The following ROBO2 variants were observed in gnomAD, a reference collection of about 807,000 sequenced individuals.
ROBO2 encodes roundabout guidance receptor 2, also known as roundabout homolog 2.
In ROBO2, 53 loss-of-function variants were observed where a neutral mutation model predicts 160.8. The observed-to-expected ratio is 0.33, with a 90% CI of 0.26 to 0.41. The LOEUF is 0.41. Among genes scored for constraint, ROBO2 ranks in the 10% least tolerant of loss-of-function variants. ROBO2 has a pLI of 1.00. For synonymous variants in ROBO2, 664 were observed against 611.7 expected (o/e 1.09, Z -1.26); for missense variants, 1,577 against 1,722.4 (o/e 0.92, Z 1.49).
chr3:76,413,077 C>T (rs2075578722), intron 2 of ROBO2, among the ~76,000 whole-genome samples: 1 of 152,212 alleles, frequency 6.6e-6, no homozygotes, highest in South Asian at 2.1e-4. Flanking sequence ...GGGGCTTCCA[C>T]CCTCTGGAGC....
intron 2 of ROBO2, among the ~76,000 whole-genome samples, chr3:77,020,563 G>T (rs57821029): frequency 0.053 from 8,072 of 152,154 alleles, 645 homozygotes; most frequent in African/African-American, 0.18. Flanking sequence ...AAAGAATAAT[G>T]CTGGAAGTGA....
intron 2 of ROBO2, among the ~76,000 whole-genome samples, chr3:76,251,336 A>G (rs1006994897): frequency 6.6e-6 from 1 of 152,084 alleles, no homozygotes; most frequent in Admixed American, 6.6e-5. Context: ...GCCAGATGTC[A>G]GGAAAGAGAT....
Position 76,464,239 on chromosome 3 carries a change from T to C in ROBO2, c.109+526637T>C, listed in dbSNP as rs577731947. ...TTCTTTCATATCTACAGGTTACTGATGTCATTAAATGATGATTGGACGAAT... is the reference window on the plus strand; with the variant it reads ...TTCTTTCATATCTACAGGTTACTGACGTCATTAAATGATGATTGGACGAAT... On this transcript the variant is annotated intron_variant, in intron 2 of 26. Coordinates refer to the ROBO2 transcript ENST00000487694. Among the ~76,000 whole-genome samples the C allele has an allele frequency of 7.9e-5, 12 of 152,274 alleles. No individual in the cohort carries two copies. In the South Asian group the frequency reaches 2.3e-3, roughly 29 times the overall value.
chr3:76,395,359 C>T (rs1211511822), intron 2 of ROBO2, among the ~76,000 whole-genome samples: 1 of 149,280 alleles, frequency 6.7e-6, no homozygotes, highest in Non-Finnish European at 1.5e-5. Flanking sequence ...CACTAAATGC[C>T]CACAAGAGAA....
At chr3:76,060,274 A>ATTCTG (rs1384202901) in intron 2 of ROBO2, among the ~76,000 whole-genome samples, 1 of 148,718 alleles carries the variant, frequency 6.7e-6, no homozygotes, top group Non-Finnish European at 1.5e-5. Context: ...AAGCATTTTC[A>ATTCTG]CACAGAGACC....
At chr3:76,910,745 G>A (rs3024226) in intron 2 of ROBO2, among the ~76,000 whole-genome samples, 8,985 of 55,600 alleles carry the variant, frequency 0.16, 980 homozygotes, top group Middle Eastern at 0.22. Flanking sequence ...AAAAAAAAAA[G>A]AAAAAAAAAG....
At chr3:77,465,036 T>C (rs1483162270) in intron 2 of ROBO2, among the ~76,000 whole-genome samples, 1 of 152,320 alleles carries the variant, frequency 6.6e-6, no homozygotes, top group Middle Eastern at 3.4e-3. Context: ...TTGGTTGTTG[T>C]TGCTGACACT....
At chr3:77,161,669 C>A (rs2078498692) in intron 2 of ROBO2, among the ~76,000 whole-genome samples, 1 of 152,054 alleles carries the variant, frequency 6.6e-6, no homozygotes, top group African/African-American at 2.4e-5. Context: ...TCAAAATACA[C>A]AATTCAGTTT....
intron 2 of ROBO2, among the ~76,000 whole-genome samples, chr3:76,209,121 A>T (rs896718792): frequency 2.9e-4 from 44 of 152,188 alleles, no homozygotes; most frequent in Admixed American, 2.0e-4. Flanking sequence ...TTATTTCTCT[A>T]AACTGTTACA....
At chr3:77,582,605 T>C (rs1011636146) in intron 16 of ROBO2, among the ~76,000 whole-genome samples, 5 of 152,142 alleles carry the variant, frequency 3.3e-5, no homozygotes, top group Non-Finnish European at 4.4e-5. Flanking sequence ...GTACACCTCA[T>C]TTCTTTGCTG....
intron 2 of ROBO2, among the ~76,000 whole-genome samples, chr3:76,906,638 G>T (rs972861921): frequency 6.6e-6 from 1 of 151,948 alleles, no homozygotes; most frequent in African/African-American, 2.4e-5. Context: ...TGAAACTACG[G>T]CACAGAGAAG....
At position 76,355,044 on chromosome 3, in the gene ROBO2, ATG is replaced by A. The variant is rs373836406; in HGVS notation, c.109+417458_109+417459del. Among the ~76,000 whole-genome samples, 935 of 148,868 alleles carry A rather than the reference ATG, an allele frequency of 6.3e-3. 7 individuals are homozygous for A. The highest frequency in any genetic ancestry group is 0.049 in the South Asian group (230 of 4,738). ...TATGTTTATGTGTATGTGTATGTGT[ATG>A]TGTGTGTGTGTGTGTATGTATGCAT... On this transcript the variant is annotated intron_variant, in intron 2 of 26. Coordinates refer to the ROBO2 transcript ENST00000487694.
At chr3:76,841,063 G>A (rs1042360448) in intron 2 of ROBO2, among the ~76,000 whole-genome samples, 1 of 152,138 alleles carries the variant, frequency 6.6e-6, no homozygotes, top group Admixed American at 6.5e-5. Context: ...CAAGGAAGCA[G>A]AGATAATTCT....
chr3:77,108,849 G>A lies in ROBO2; in HGVS notation c.388+10509G>A, dbSNP rs143607305. Among the ~76,000 whole-genome samples the A allele has an allele frequency of 3.9e-3, 595 of 152,242 alleles. 7 individuals are homozygous for A. The highest frequency in any genetic ancestry group is 0.014 in the Middle Eastern group (4 of 294). On this transcript the variant is annotated intron_variant, in intron 2 of 25. Transcript: ENST00000461745. ...AGAGGGAGATAATTTAAATAGCGAG[G>A]TAGAAATTAGTAATGACTAAACGAA...
chr3:76,132,398 G>T (rs1055807039), intron 2 of ROBO2, among the ~76,000 whole-genome samples: 10 of 130,624 alleles, frequency 7.7e-5, no homozygotes, highest in Non-Finnish European at 9.9e-5. Flanking sequence ...GACTGTTGGG[G>T]GGGGGGGGGG....
intron 2 of ROBO2, among the ~76,000 whole-genome samples, chr3:76,058,589 C>CTT (rs10676074): frequency 0.45 from 21,808 of 48,822 alleles, 5,437 homozygotes; most frequent in Middle Eastern, 0.5. Flanking sequence ...ACAGCAGAAA[C>CTT]TTTTTTTTTT....
At chr3:76,040,186 A>AT (rs1253438179) in intron 2 of ROBO2, among the ~76,000 whole-genome samples, 1 of 151,810 alleles carries the variant, frequency 6.6e-6, no homozygotes, top group Non-Finnish European at 1.5e-5. Flanking sequence ...GGGCTTGTGA[A>AT]TTTTTTAAAT....
chr3:76,530,212 T>C (rs1246350213), intron 2 of ROBO2, among the ~76,000 whole-genome samples: 1 of 152,212 alleles, frequency 6.6e-6, no homozygotes, highest in African/African-American at 2.4e-5. Context: ...GTGGCGATTC[T>C]TTAAAGATGT....
At chr3:77,470,879 A>C (rs997845278) in intron 2 of ROBO2, among the ~76,000 whole-genome samples, 1 of 152,192 alleles carries the variant, frequency 6.6e-6, no homozygotes, top group Non-Finnish European at 1.5e-5. Context: ...GTTCTGATAC[A>C]TACACAGAGA....
Sources: gnomAD v4.1 joint callset for allele counts (sites outside exome capture counted in the v4.1 genomes callset) on GRCh38, gnomAD v4.1.1 for gene constraint, MANE v1.5 for transcripts, NCBI Gene and HGNC (gene_info 2026-07-23, HGNC 2026-07-21) for gene names.